The following PLPP3 variants were observed in gnomAD, a reference collection of about 807,000 sequenced individuals.
PLPP3 encodes the protein phospholipid phosphatase 3, also known as PAP2 beta.
In PLPP3, 6 loss-of-function variants were observed where a neutral mutation model predicts 29.6. That is an observed-to-expected ratio of 0.20 (90% CI 0.11 to 0.40). PLPP3 has a LOEUF of 0.40. Ranked by LOEUF, PLPP3 falls within the 10% of genes least tolerant of loss-of-function variation. The pLI is 1.00. For missense variants in PLPP3, 308 were observed against 407.7 expected (o/e 0.76, Z 2.11); for synonymous variants, 152 against 159.7 (o/e 0.95, Z 0.36).
Position 56,555,667 on chromosome 1 carries a change from C to T in PLPP3, c.140-18555G>A, listed in dbSNP as rs1162773310. 4.6e-5 allele frequency among the ~76,000 whole-genome samples: 7 copies of T among 152,036 alleles called. No homozygotes were observed. In the East Asian group the frequency reaches 1.2e-3, roughly 25 times the overall value. ...AACATGCTTAACAAGGGCCATCATG[C>T]TTGGCTAATTTCTTAATTTTTTGTA... On this transcript the variant is annotated intron_variant, in intron 1 of 5. Transcript: ENST00000371250.
intron 1 of PLPP3, among the ~76,000 whole-genome samples, chr1:56,567,774 G>C (rs1646171366): frequency 6.6e-6 from 1 of 152,150 alleles, no homozygotes; most frequent in Non-Finnish European, 1.5e-5. Flanking sequence ...TAAACATGGA[G>C]TTACTATATG....
At chr1:56,572,825 T>C (rs1220842874) in intron 1 of PLPP3, among the ~76,000 whole-genome samples, 1 of 152,202 alleles carries the variant, frequency 6.6e-6, no homozygotes, top group Middle Eastern at 3.2e-3. Flanking sequence ...TTTGAACTTT[T>C]CAAAATGCTT....
chr1:56,526,223 G>A (rs1286233999), intron 2 of PLPP3, among the ~76,000 whole-genome samples: 15 of 152,184 alleles, frequency 9.9e-5, no homozygotes, highest in African/African-American at 3.6e-4. Flanking sequence ...ATGAAGGAAA[G>A]GGAGCAGGAC....
chr1:56,504,941 G>A (rs945847856), intron 5 of PLPP3, among the ~76,000 whole-genome samples: 1 of 151,934 alleles, frequency 6.6e-6, no homozygotes, highest in Non-Finnish European at 1.5e-5. Flanking sequence ...AACTAACTAG[G>A]TGGTTACCAC....
intron 2 of PLPP3, among the ~76,000 whole-genome samples, chr1:56,529,360 G>T (rs1414026185): frequency 6.6e-6 from 1 of 152,108 alleles, no homozygotes; most frequent in East Asian, 1.9e-4. Context: ...AGAGACATAT[G>T]TTCACAGAAC....
chr1:56,532,672 C>T (rs752358231), intron 2 of PLPP3, among the ~76,000 whole-genome samples: 1 of 152,146 alleles, frequency 6.6e-6, no homozygotes, highest in African/African-American at 2.4e-5. Context: ...TTTTCCCCTG[C>T]TCTGTGAATC....
chr1:56,523,804 T>G lies in PLPP3; in HGVS notation c.633+19A>C, dbSNP rs1004059022. The G allele has an allele frequency of 1.2e-6, 2 of 1,609,968 alleles. No homozygotes were observed. Among genetic ancestry groups the G allele is most frequent in the East Asian group, 2.2e-5 (1 of 44,834 alleles). Reference sequence around the variant, plus strand: ...AAGCTGGAACTGAGCACTGCTCAAATCAAAGGGTGGGTACTTACCACCAAA... The same window carrying G: ...AAGCTGGAACTGAGCACTGCTCAAAGCAAAGGGTGGGTACTTACCACCAAA... On this transcript the variant is annotated intron_variant, in intron 4 of 5. Coordinates refer to ENST00000371250, the MANE Select transcript of PLPP3 (RefSeq NM_003713.5).
At chr1:56,523,527 C>T (rs763084400) in intron 4 of PLPP3, among the ~76,000 whole-genome samples, 31 of 152,216 alleles carry the variant, frequency 2.0e-4, no homozygotes, top group Non-Finnish European at 4.1e-4. Context: ...TACTCTTGCA[C>T]CAACCTAATA....
chr1:56,572,794 A>G (rs17114126), intron 1 of PLPP3, among the ~76,000 whole-genome samples: 10,078 of 152,198 alleles, frequency 0.066, 602 homozygotes, highest in African/African-American at 0.15. Flanking sequence ...CTTCATTCCT[A>G]CCTGATAATG....
At chr1:56,508,633 G>A (rs962883831) in intron 5 of PLPP3, among the ~76,000 whole-genome samples, 9 of 152,146 alleles carry the variant, frequency 5.9e-5, no homozygotes, top group African/African-American at 1.2e-4. Flanking sequence ...CTGGGACAGC[G>A]GCCCTGATTC....
intron 2 of PLPP3, among the ~76,000 whole-genome samples, chr1:56,529,382 G>T (rs150745587): frequency 0.016 from 2,511 of 152,224 alleles, 85 homozygotes; most frequent in Admixed American, 0.097. Flanking sequence ...CCCAGTAAGG[G>T]CCTGCCATCT....
Position 56,523,869 on chromosome 1 carries a change from A to T in PLPP3, c.587T>A (p.Phe196Tyr). 1 of 1,613,772 alleles carries T rather than the reference A, an allele frequency of 6.2e-7. No homozygotes were observed. The highest frequency in any genetic ancestry group is 8.5e-7 in the Non-Finnish European group (1 of 1,179,784). ...SKVQEARKSF[F>Y]SGHASFSMYT... ...CATGGAGAAGGAGGCATGGCCAGAG[A>T]AGAAGGACTTCCTGCAAGAGCAAGA... Residue 196 changes from phenylalanine (F) to tyrosine (Y), a missense_variant, in exon 4 of 6, where the codon TTC becomes TAC. Around this residue, in one of 3 missense-constraint regions of PLPP3, gnomAD observed 232 missense variants for 317.2 expected, o/e 0.73. Coordinates refer to ENST00000371250, the MANE Select transcript of PLPP3 (RefSeq NM_003713.5).
intron 2 of PLPP3, among the ~76,000 whole-genome samples, chr1:56,535,211 A>G (rs1645916792): frequency 6.6e-6 from 1 of 152,188 alleles, no homozygotes. Context: ...AATTTGCCAC[A>G]TGGTCCACAG....
chr1:56,518,912 G>A (rs1645800338), intron 4 of PLPP3, among the ~76,000 whole-genome samples: 1 of 151,908 alleles, frequency 6.6e-6, no homozygotes, highest in Admixed American at 6.6e-5. Flanking sequence ...GTCAGATGGT[G>A]AGACGTAAGG....
chr1:56,513,798 T>C (rs1464295910), intron 4 of PLPP3: 3 of 131,672 alleles, frequency 2.3e-5, no homozygotes, highest in Non-Finnish European at 5.2e-5. Context: ...GGTTTTCTCA[T>C]ATATAAATAA....
At chr1:56,574,480 C>A (rs1374884128) in intron 1 of PLPP3, among the ~76,000 whole-genome samples, 20 of 152,148 alleles carry the variant, frequency 1.3e-4, no homozygotes. Context: ...ATCTCGAACT[C>A]CTTAGCTCAA....
At chr1:56,573,382 C>CACAA (rs761858368) in intron 1 of PLPP3, among the ~76,000 whole-genome samples, 17 of 152,048 alleles carry the variant, frequency 1.1e-4, no homozygotes, top group Non-Finnish European at 1.9e-4. Flanking sequence ...GTGCACTGGT[C>CACAA]ACAAACAAAC....
chr1:56,574,325 C>T (rs1272332332), intron 1 of PLPP3, among the ~76,000 whole-genome samples: 2 of 152,136 alleles, frequency 1.3e-5, no homozygotes, highest in Non-Finnish European at 2.9e-5. Flanking sequence ...TCATGGCTCA[C>T]TGCAGCCTCC....
At chr1:56,516,628 G>GC (rs2100238592) in intron 4 of PLPP3, among the ~76,000 whole-genome samples, 1 of 152,084 alleles carries the variant, frequency 6.6e-6, no homozygotes, top group South Asian at 2.1e-4. Flanking sequence ...TAGAGAATCA[G>GC]CCCTCTGAAA....
Sources: allele counts gnomAD v4.1 joint callset (sites outside exome capture counted in the v4.1 genomes callset), GRCh38; gene constraint gnomAD v4.1.1; regional missense constraint gnomAD v4.1.1; transcripts MANE v1.5; gene names NCBI Gene and HGNC (gene_info 2026-07-23, HGNC 2026-07-21).